The following CARMIL1 variants were observed in gnomAD, a reference collection of about 807,000 sequenced individuals.
CARMIL1 encodes the protein F-actin-uncapping protein LRRC16A.
Under a neutral mutation model 177.1 loss-of-function variants are expected in CARMIL1, and 90 were observed. The observed-to-expected ratio is 0.51, with a 90% confidence interval of 0.43 to 0.61. The LOEUF (loss-of-function observed/expected upper bound fraction) is 0.61, where lower values mean the gene tolerates loss of function less well. CARMIL1 is among the 20% of genes least tolerant of loss of function. The pLI, the probability that CARMIL1 is intolerant of heterozygous loss-of-function variation, is 0.00. For missense variants in CARMIL1, 1,380 were observed against 1,667.0 expected (o/e 0.83, Z 3.00); for synonymous variants, 577 against 606.2 (o/e 0.95, Z 0.71).
chr6:25,590,507 G>A (rs1455998144), intron 31 of CARMIL1, among the ~76,000 whole-genome samples: 2 of 152,070 alleles, frequency 1.3e-5, no homozygotes, highest in Non-Finnish European at 2.9e-5. Context: ...AATTGATTGG[G>A]AAGCTCTTTC....
At chr6:25,517,762 T>C (rs764605050) in intron 22 of CARMIL1, among the ~76,000 whole-genome samples, 1 of 151,612 alleles carries the variant, frequency 6.6e-6, no homozygotes, top group African/African-American at 2.4e-5. Context: ...TAGGTCTTGT[T>C]CTTTTTCCTA....
intron 1 of CARMIL1, among the ~76,000 whole-genome samples, chr6:25,281,136 G>GGGCACA (rs1554148591): frequency 1.5e-5 from 2 of 132,102 alleles, no homozygotes; most frequent in African/African-American, 3.0e-5. Flanking sequence ...GTGCGCGCGC[G>GGGCACA]CACACACACA....
At chr6:25,387,063 G>A (rs1251406542) in intron 2 of CARMIL1, among the ~76,000 whole-genome samples, 10 of 141,552 alleles carry the variant, frequency 7.1e-5, no homozygotes, top group African/African-American at 2.8e-4. Context: ...CTGCGAGGCC[G>A]AGATCGCACC....
chr6:25,534,828 A>C (rs1036075987), intron 24 of CARMIL1, among the ~76,000 whole-genome samples: 2 of 152,210 alleles, frequency 1.3e-5, no homozygotes, highest in East Asian at 3.9e-4. Context: ...TAGCTCCTCT[A>C]TGCCAGGTGT....
intron 5 of CARMIL1, among the ~76,000 whole-genome samples, chr6:25,438,419 C>G (rs1471186080): frequency 6.6e-6 from 1 of 152,164 alleles, no homozygotes; most frequent in Non-Finnish European, 1.5e-5. Flanking sequence ...AATCAAGTAA[C>G]AGTACCTTTG....
At position 25,594,417 on chromosome 6, in the gene CARMIL1, C is replaced by G; in HGVS notation, c.3009C>G (p.Val1003=). 1 of 1,599,852 alleles carries G rather than the reference C, an allele frequency of 6.3e-7. No homozygotes were observed. The highest frequency in any genetic ancestry group is 2.2e-5 in the East Asian group (1 of 44,788). The change falls in exon 32 of 37, where the codon GTC becomes GTG. Residue 1003 remains valine, a splice_region_variant and synonymous_variant. Coordinates refer to ENST00000329474, the MANE Select transcript of CARMIL1 (RefSeq NM_017640.6). ...CATTACATCTGTTTGTTTTGCAGGT[C>G]TGTGCTGCCAACATAGTCTCACAAG... ...NKKQQPTQAA[V]CAANIVSQDG...
At chr6:25,565,319 G>C (rs935083367) in intron 29 of CARMIL1, among the ~76,000 whole-genome samples, 1 of 152,168 alleles carries the variant, frequency 6.6e-6, no homozygotes, top group South Asian at 2.1e-4. Context: ...GGTTTTTGCA[G>C]AAACAGTGGT....
At chr6:25,495,037 C>G in intron 15 of CARMIL1, 74 bp from the exon 16 acceptor site, 2 of 799,972 alleles carry the variant, frequency 2.5e-6, no homozygotes, top group Non-Finnish European at 4.2e-6. Context: ...TTGTAGATTT[C>G]ACAGTGTCTG....
intron 35 of CARMIL1, among the ~76,000 whole-genome samples, chr6:25,609,190 G>C (rs1816273152): frequency 6.6e-6 from 1 of 152,076 alleles, no homozygotes; most frequent in African/African-American, 2.4e-5. Context: ...GAATTGGCCA[G>C]GCGCGGTGGC....
At chr6:25,440,625 A>G (rs1032755298) in intron 5 of CARMIL1, among the ~76,000 whole-genome samples, 2 of 152,188 alleles carry the variant, frequency 1.3e-5, no homozygotes, top group African/African-American at 4.8e-5. Flanking sequence ...TGGTAACCGT[A>G]TCTTTTCTCC....
At chr6:25,382,685 T>A (rs1791685533) in intron 2 of CARMIL1, among the ~76,000 whole-genome samples, 1 of 152,176 alleles carries the variant, frequency 6.6e-6, no homozygotes, top group East Asian at 1.9e-4. Context: ...TTGGTGCATT[T>A]ACAATCCTTT....
intron 5 of CARMIL1, among the ~76,000 whole-genome samples, chr6:25,448,611 C>A (rs1011922979): frequency 2.0e-5 from 3 of 152,304 alleles, no homozygotes; most frequent in Middle Eastern, 3.4e-3. Flanking sequence ...AAGCTAAGTG[C>A]CCCTTCTTTG....
At chr6:25,518,626 T>G (rs1806246084) in intron 22 of CARMIL1, among the ~76,000 whole-genome samples, 1 of 152,214 alleles carries the variant, frequency 6.6e-6, no homozygotes, top group Non-Finnish European at 1.5e-5. Context: ...TACACTGAGC[T>G]GCATCTGGAT....
In CARMIL1 at chr6:25,528,520, C is replaced by T. The variant is rs145290026; in HGVS notation, c.1969-275C>T. On this transcript the variant is annotated intron_variant, in intron 23 of 36. Transcript: ENST00000329474. ...AAACTCACGAAGTGGGGTCTCTAAC[C>T]CTTCAGGCAATTAAAAGCTTGCTTA... Among the ~76,000 whole-genome samples, 814 of 152,254 alleles carry T rather than the reference C, an allele frequency of 5.3e-3. 6 individuals are homozygous for T. The highest frequency in any genetic ancestry group is 0.018 in the African/African-American group (767 of 41,546).
At chr6:25,540,619 T>G (rs1223092299) in intron 26 of CARMIL1, among the ~76,000 whole-genome samples, 1 of 152,170 alleles carries the variant, frequency 6.6e-6, no homozygotes, top group Non-Finnish European at 1.5e-5. Flanking sequence ...TTGAAACTTT[T>G]GGGGAATAGA....
intron 11 of CARMIL1, among the ~76,000 whole-genome samples, chr6:25,480,019 T>A (rs911605497): frequency 5.3e-5 from 8 of 152,180 alleles, no homozygotes; most frequent in Admixed American, 1.3e-4. Context: ...CATACAAATA[T>A]TCTGTGTATG....
intron 2 of CARMIL1, among the ~76,000 whole-genome samples, chr6:25,328,051 A>G (rs1183778177): frequency 1.3e-5 from 2 of 152,204 alleles, no homozygotes; most frequent in African/African-American, 4.8e-5. Flanking sequence ...TTATTATTTC[A>G]TTTAATTCCC....
chr6:25,554,433 T>C lies in CARMIL1; in HGVS notation c.2592+337T>C, dbSNP rs891883999. 6.6e-6 allele frequency among the ~76,000 whole-genome samples: 1 copy of C among 152,196 alleles called. No individual in the cohort carries two copies. Among genetic ancestry groups the C allele is most frequent in the Non-Finnish European group, 1.5e-5 (1 of 68,036 alleles). On this transcript the variant is annotated intron_variant, in intron 28 of 36. Transcript: ENST00000329474. This position sits in a 1 kb window ranked among gnomAD's most constrained non-coding sequence, Gnocchi z 4.6. Reference sequence around the variant, plus strand: ...AATTTATCTTTGCTCATTTTGTTGTTGATATGATTATTTGATAATGGACTA... The same window carrying C: ...AATTTATCTTTGCTCATTTTGTTGTCGATATGATTATTTGATAATGGACTA...
chr6:25,357,201 C>T (rs1788714896), intron 2 of CARMIL1, among the ~76,000 whole-genome samples: 1 of 151,924 alleles, frequency 6.6e-6, no homozygotes, highest in African/African-American at 2.4e-5. Flanking sequence ...TTTCCTACCA[C>T]TTAGATGGTT....
Sources: gnomAD v4.1 joint callset for allele counts (sites outside exome capture counted in the v4.1 genomes callset) on GRCh38, gnomAD v4.1.1 for gene constraint, Gnocchi (gnomAD v3.1) non-coding constraint, MANE v1.5 for transcripts, NCBI Gene and HGNC (gene_info 2026-07-23, HGNC 2026-07-21) for gene names.